UBR4: variants seen among roughly 807,000 people sequenced by gnomAD.
UBR4 encodes the protein ubiquitin protein ligase E3 component n-recognin 4.
A neutral mutation model predicts 575.6 loss-of-function variants in UBR4; 124 were observed. The observed-to-expected ratio is 0.22, with a 90% CI of 0.19 to 0.25. The LOEUF (loss-of-function observed/expected upper bound fraction) is 0.25, where lower values mean the gene tolerates loss of function less well. Ranked by LOEUF, UBR4 falls within the 10% of genes least tolerant of loss-of-function variation. UBR4 has a pLI of 1.00. For missense variants in UBR4, 4,818 were observed against 6,478.8 expected (o/e 0.74, Z 8.80); for synonymous variants, 2,455 against 2,473.7 (o/e 0.99, Z 0.22).
At chr1:19,090,860 T>C (rs1212659105) in intron 97 of UBR4, among the ~76,000 whole-genome samples, 2 of 152,104 alleles carry the variant, frequency 1.3e-5, no homozygotes, top group African/African-American at 4.8e-5. Flanking sequence ...TTTGGGAGGC[T>C]GAGGGGAGCG....
At chr1:19,149,097 G>A (rs2085292633) in intron 49 of UBR4, among the ~76,000 whole-genome samples, 1 of 152,176 alleles carries the variant, frequency 6.6e-6, no homozygotes, top group Non-Finnish European at 1.5e-5. Flanking sequence ...CAAGTATGGG[G>A]GAGAGAACAA....
At chr1:19,167,743 A>G (rs1287341264) in intron 28 of UBR4, among the ~76,000 whole-genome samples, 1 of 152,220 alleles carries the variant, frequency 6.6e-6, no homozygotes, top group Non-Finnish European at 1.5e-5. Flanking sequence ...TGTCACTATC[A>G]CTTTAAAATT....
Position 19,081,373 on chromosome 1 carries a change from G to A in UBR4, c.15209C>T (p.Ala5070Val). The change falls in exon 103 of 106, where the codon GCA becomes GTA. Residue 5070 changes from alanine to valine, a missense_variant. By Grantham distance (64) the Ala-to-Val change is moderately conservative. This residue lies in a region of UBR4 where 212 missense variants were observed against 221.3 expected (regional missense o/e 0.96). Transcript: ENST00000375254. ...RRLLVTSQAR[A>V]VAPGGATRLT... The stretch of plus-strand genomic sequence containing the variant: ...CCTGGTGGCTCCACCTGGAGCCACT[G>A]CCCGAGCCTGCGAGGTCACCAACAG... 1.2e-6 allele frequency: 2 copies of A among 1,608,784 alleles called. No individual in the cohort carries two copies. Among genetic ancestry groups the A allele is most frequent in the Non-Finnish European group, 1.7e-6 (2 of 1,176,946 alleles).
intron 85 of UBR4, 136 bp from the exon 86 acceptor site, chr1:19,104,802 T>C (rs939326823): frequency 1.7e-6 from 2 of 1,144,954 alleles, no homozygotes; most frequent in African/African-American, 3.1e-5. Flanking sequence ...CAGAACTCCT[T>C]TCCAGGAAGC....
In UBR4 at chr1:19,117,379, C is replaced by T. The variant is rs772296545; in HGVS notation, c.10665G>A (p.Arg3555=). 6 of 1,614,026 alleles carry T rather than the reference C, an allele frequency of 3.7e-6. No homozygotes were observed. In the Admixed American group the frequency reaches 6.7e-5, roughly 18 times the overall value. Residue 3555 remains arginine, a synonymous_variant, in exon 73 of 106, where the codon CGG becomes CGA. Coordinates refer to ENST00000375254, the MANE Select transcript of UBR4 (RefSeq NM_020765.3). This position sits in a 1 kb window ranked among gnomAD's most constrained non-coding sequence, Gnocchi z 4.0. The part of the protein sequence containing the change: ...IKLSSIKVDT[R]YTTTQQVVKL... ...TCACAACCTGCTGGGTGGTGGTGTA[C>T]CGCGTGTCCACTTTAATGGAAGACA...
At chr1:19,140,763 C>A in intron 58 of UBR4, 25 bp downstream of exon 58, 1 of 1,605,170 alleles carries the variant, frequency 6.2e-7, no homozygotes, top group Non-Finnish European at 8.5e-7. Context: ...GGCCCTGAGC[C>A]GTGCTCCTTG....
intron 84 of UBR4, 118 bp downstream of exon 84, chr1:19,105,615 T>A (rs1182932481): frequency 1.3e-6 from 1 of 764,358 alleles, no homozygotes; most frequent in African/African-American, 1.8e-5. Flanking sequence ...TTGTTGTTTC[T>A]GGGGTCTTCT....
Position 19,191,297 on chromosome 1 carries a change from C to T in UBR4, c.1394+891G>A, listed in dbSNP as rs137918021. Among the ~76,000 whole-genome samples, 598 of 152,210 alleles carry T rather than the reference C, an allele frequency of 3.9e-3. 4 individuals carry two copies. Among genetic ancestry groups the T allele is most frequent in the Middle Eastern group, 0.014 (4 of 294 alleles). On this transcript the variant is annotated intron_variant, in intron 11 of 105. Coordinates refer to ENST00000375254, the MANE Select transcript of UBR4 (RefSeq NM_020765.3). ...CCCTGCCTGGCCAACATGGTGAAACCCCGTCTCTACTAAAAATACAAAAAT... is the reference window on the plus strand; with the variant it reads ...CCCTGCCTGGCCAACATGGTGAAACTCCGTCTCTACTAAAAATACAAAAAT...
Position 19,171,859 on chromosome 1 carries a change from C to T in UBR4, c.3522-976G>A, listed in dbSNP as rs569874777. ...GATTCCATCTCAAAACAAAAAAGCACCATAGAACAGGAGTGAACACTGAGA... is the reference window on the plus strand; with the variant it reads ...GATTCCATCTCAAAACAAAAAAGCATCATAGAACAGGAGTGAACACTGAGA... On this transcript the variant is annotated intron_variant, in intron 25 of 105. Coordinates refer to ENST00000375254, the MANE Select transcript of UBR4 (RefSeq NM_020765.3). 7.5e-4 allele frequency among the ~76,000 whole-genome samples: 114 copies of T among 152,054 alleles called. 1 individual carries two copies. Among genetic ancestry groups the T allele is most frequent in the African/African-American group, 2.7e-3 (113 of 41,492 alleles).
chr1:19,197,256 T>A lies in UBR4; in HGVS notation c.903A>T (p.Ser301=). Residue 301 remains serine, a synonymous_variant, in exon 8 of 106, where the codon TCA becomes TCT. Coordinates refer to ENST00000375254, the MANE Select transcript of UBR4 (RefSeq NM_020765.3). ...ATGCCATAGTTACATCAATCACCAATGAATGAAAGCTGGAACATGACAGAG... is the reference window on the plus strand; with the variant it reads ...ATGCCATAGTTACATCAATCACCAAAGAATGAAAGCTGGAACATGACAGAG... ...DATAVRNGFH[S]LVIDVTMALD... 1.2e-6 allele frequency: 2 copies of A among 1,614,170 alleles called. No homozygotes were observed. Among genetic ancestry groups the A allele is most frequent in the South Asian group, 1.1e-5 (1 of 91,082 alleles).
At chr1:19,176,334 T>C (rs1320764037) in intron 20 of UBR4, among the ~76,000 whole-genome samples, 1 of 151,978 alleles carries the variant, frequency 6.6e-6, no homozygotes, top group East Asian at 1.9e-4. Context: ...CCTCAAATGA[T>C]CTGCCCGCCT....
intron 52 of UBR4, chr1:19,146,167 T>C (rs1316180135): frequency 3.1e-5 from 43 of 1,393,030 alleles, no homozygotes; most frequent in African/African-American, 4.3e-5. Context: ...GGGGAGCATT[T>C]AGGATGTTTA....
chr1:19,076,462 C>T (rs1162052346), intron 105 of UBR4, among the ~76,000 whole-genome samples: 1 of 152,246 alleles, frequency 6.6e-6, no homozygotes, highest in Non-Finnish European at 1.5e-5. Flanking sequence ...ATAACCAAAG[C>T]TCCTGCCTCA....
rs1247013222 is a variant in UBR4, at chr1:19,173,112, T to C, written c.3292-19A>G. 6.2e-7 allele frequency: 1 copy of C among 1,613,562 alleles called. No homozygotes were observed. Among genetic ancestry groups the C allele is most frequent in the Non-Finnish European group, 8.5e-7 (1 of 1,179,522 alleles). ...ATGAGATCTTTAAAAATATGCAAAA[T>C]ATAATTAGCTGTGGCAATGGGCTAT... is the stretch of plus-strand genomic sequence containing the variant. On this transcript the variant is annotated intron_variant, in intron 24 of 105. Transcript: ENST00000375254.
Position 19,139,018 on chromosome 1 carries a change from C to CA in UBR4, c.8731+64dup. The CA allele has an allele frequency of 6.6e-7, 1 of 1,512,146 alleles. No individual in the cohort carries two copies. The highest frequency in any genetic ancestry group is 8.9e-7 in the Non-Finnish European group (1 of 1,123,348). 93.7% of individuals were successfully genotyped at this position (1,512,146 alleles called of 1,614,324 possible). A position where few individuals can be genotyped will look rare whatever the true frequency, so the allele number is the denominator to read the frequency against. On this transcript the variant is annotated intron_variant, in intron 59 of 105. Coordinates refer to ENST00000375254, the MANE Select transcript of UBR4 (RefSeq NM_020765.3). This position sits in a 1 kb window ranked among gnomAD's most constrained non-coding sequence, Gnocchi z 4.2. ...GCAAAAACCAACCCCAAGACCCAAG[C>CA]AGAGATTCCTGTTTTGTCCCCACCC...
chr1:19,107,555 C>A (rs1020926365), intron 81 of UBR4, among the ~76,000 whole-genome samples: 21 of 152,106 alleles, frequency 1.4e-4, no homozygotes, highest in Non-Finnish European at 2.4e-4. Context: ...CCAAGGCAGA[C>A]AGATGATGCT....
rs1320764477 is a variant in UBR4 at position 19,122,838 on chromosome 1, T to A, written c.9811A>T (p.Ser3271Cys). The A allele has an allele frequency of 6.2e-7, 1 of 1,614,242 alleles. No homozygotes were observed. The highest frequency in any genetic ancestry group is 8.5e-7 in the Non-Finnish European group (1 of 1,180,034). Residue 3271 changes from serine (S) to cysteine (C), a missense_variant, in exon 66 of 106, where the codon AGC becomes TGC. Physicochemically the swap from Ser to Cys is moderately radical, Grantham distance 112. Coordinates refer to ENST00000375254, the MANE Select transcript of UBR4 (RefSeq NM_020765.3). ...GSALQYDTLI[S>C]LMEHLKACAE... ...CCAGGTCCCAGCCCTCGTACCAGGC[T>A]GATGAGTGTGTCATATTGCAAGGCG... is the stretch of plus-strand genomic sequence containing the variant.
chr1:19,158,141 T>G, intron 39 of UBR4, 144 bp from the exon 40 acceptor site: 1 of 734,102 alleles, frequency 1.4e-6, no homozygotes, highest in Non-Finnish European at 2.2e-6. Context: ...TGGATGGCTG[T>G]GTAAATGTGT....
intron 1 of UBR4, among the ~76,000 whole-genome samples, chr1:19,206,180 CTGGGCCCGGTGG>C (rs1158010409): frequency 2.0e-5 from 3 of 152,256 alleles, no homozygotes; most frequent in Non-Finnish European, 4.4e-5. Context: ...AGAGTTTAAG[CTGGGCCCGGTGG>C]TGGGAGCCTG....
Sources: allele counts gnomAD v4.1 joint callset (sites outside exome capture counted in the v4.1 genomes callset), GRCh38; gene constraint gnomAD v4.1.1; regional missense constraint gnomAD v4.1.1; non-coding constraint Gnocchi (gnomAD v3.1); transcripts MANE v1.5; gene names NCBI Gene and HGNC (gene_info 2026-07-23, HGNC 2026-07-21).